CPNE4: variants seen among roughly 807,000 people sequenced by gnomAD.
CPNE4 encodes copine 4.
In CPNE4, 25 loss-of-function variants were observed where a neutral mutation model predicts 67.9. That is an observed-to-expected ratio of 0.37 (90% CI 0.27 to 0.51). The LOEUF (loss-of-function observed/expected upper bound fraction) is 0.51. Among genes scored for constraint, CPNE4 ranks in the 20% least tolerant of loss-of-function variants. The probability of loss-of-function intolerance (pLI) is 0.93; values close to 1 mark genes in which losing one functional copy is unlikely to be tolerated. For missense variants in CPNE4, 464 were observed against 690.8 expected (o/e 0.67, Z 3.68); for synonymous variants, 242 against 244.9 (o/e 0.99, Z 0.11).
chr3:131,739,123 G>C (rs2082304374), intron 2 of CPNE4, among the ~76,000 whole-genome samples: 1 of 152,172 alleles, frequency 6.6e-6, no homozygotes, highest in Non-Finnish European at 1.5e-5. Flanking sequence ...TGCTGACCCT[G>C]GAGGGATCAG....
At chr3:131,609,454 A>G (rs1342133759) in intron 7 of CPNE4, among the ~76,000 whole-genome samples, 2 of 152,082 alleles carry the variant, frequency 1.3e-5, no homozygotes. Flanking sequence ...CTCTTTTCCT[A>G]TCCACCAGCT....
intron 2 of CPNE4, among the ~76,000 whole-genome samples, chr3:131,818,071 C>G (rs1234653596): frequency 6.6e-6 from 1 of 152,132 alleles, no homozygotes; most frequent in Non-Finnish European, 1.5e-5. Context: ...CACCCTAAAT[C>G]CGGTTTTTTA....
Position 131,910,266 on chromosome 3 carries a change from C to T in CPNE4, c.-1-4822G>A, listed in dbSNP as rs570442720. On this transcript the variant is annotated intron_variant, in intron 1 of 15. Transcript: ENST00000429747. ...GAGAAAGAGAACAGCATATTTCTTC[C>T]GAACTCCTACCCTGATCTTTAGCAG... is the stretch of plus-strand genomic sequence containing the variant. 5.9e-5 allele frequency among the ~76,000 whole-genome samples: 9 copies of T among 152,190 alleles called. No homozygotes were observed. In the East Asian group the frequency reaches 1.5e-3, roughly 26 times the overall value.
At chr3:131,606,698 AC>A (rs1205959831) in intron 7 of CPNE4, among the ~76,000 whole-genome samples, 3 of 152,122 alleles carry the variant, frequency 2.0e-5, no homozygotes, top group Non-Finnish European at 4.4e-5. Flanking sequence ...CCACTGGGCA[AC>A]CATCATATCT....
intron 6 of CPNE4, among the ~76,000 whole-genome samples, chr3:131,685,241 T>TA (rs2080861811): frequency 6.6e-6 from 1 of 152,110 alleles, no homozygotes; most frequent in Non-Finnish European, 1.5e-5. Flanking sequence ...TGCATGTAAA[T>TA]AACAGTCTAA....
intron 2 of CPNE4, among the ~76,000 whole-genome samples, chr3:131,863,709 A>G (rs1002336131): frequency 3.9e-5 from 6 of 152,106 alleles, no homozygotes; most frequent in African/African-American, 1.4e-4. Context: ...CTTTAGTTTA[A>G]TTAGATCCCA....
At chr3:131,902,075 TTTA>T (rs67648379) in intron 2 of CPNE4, among the ~76,000 whole-genome samples, 97,014 of 150,842 alleles carry the variant, frequency 0.64, 31,285 homozygotes, top group Admixed American at 0.73. Context: ...GCACTTTGGT[TTTA>T]TTATTATTAT....
At chr3:131,631,068 C>A (rs2107777482) in intron 7 of CPNE4, among the ~76,000 whole-genome samples, 1 of 152,266 alleles carries the variant, frequency 6.6e-6, no homozygotes, top group African/African-American at 2.4e-5. Flanking sequence ...ACCTCCCAGG[C>A]CTTTACTTCT....
At chr3:131,791,590 T>C (rs1484559096) in intron 2 of CPNE4, among the ~76,000 whole-genome samples, 1 of 152,208 alleles carries the variant, frequency 6.6e-6, no homozygotes, top group Admixed American at 6.5e-5. Context: ...AAGCTTACTT[T>C]ATTTGAAAAA....
chr3:132,032,275 T>G lies in CPNE4; in HGVS notation c.-2+2292A>C, dbSNP rs371071680. On this transcript the variant is annotated intron_variant, in intron 1 of 15. Transcript: ENST00000429747. ...ATCTGTGCCTTCTCCCAGTCAAATA[T>G]GCTGGGCCTGTGTCTGGGAGAATAA... 6.6e-5 allele frequency among the ~76,000 whole-genome samples: 10 copies of G among 152,162 alleles called. No homozygotes were observed. The East Asian group carries it at 1.4e-3, about 21-fold the overall frequency.
At chr3:131,875,156 C>T (rs6787755) in intron 2 of CPNE4, among the ~76,000 whole-genome samples, 53,782 of 151,934 alleles carry the variant, frequency 0.35, 10,688 homozygotes, top group African/African-American at 0.53. Flanking sequence ...ACTCTGAAAT[C>T]CATGAGTTTT....
intron 1 of CPNE4, among the ~76,000 whole-genome samples, chr3:131,927,591 G>T (rs924813496): frequency 1.3e-5 from 2 of 152,146 alleles, no homozygotes; most frequent in African/African-American, 4.8e-5. Flanking sequence ...CAAGTTCAGT[G>T]CTTGGCTCAA....
At chr3:131,742,490 C>T (rs2082382014) in intron 2 of CPNE4, among the ~76,000 whole-genome samples, 1 of 152,038 alleles carries the variant, frequency 6.6e-6, no homozygotes, top group African/African-American at 2.4e-5. Flanking sequence ...TCTTTTTGTG[C>T]ATGTATGTGT....
intron 2 of CPNE4, among the ~76,000 whole-genome samples, chr3:131,890,543 TC>T (rs2107739826): frequency 6.6e-6 from 1 of 152,042 alleles, no homozygotes; most frequent in African/African-American, 2.4e-5. Flanking sequence ...TGGCGGTTCC[TC>T]AAAAAATTAA....
chr3:131,638,283 T>C (rs2079447417), intron 7 of CPNE4, among the ~76,000 whole-genome samples: 1 of 152,186 alleles, frequency 6.6e-6, no homozygotes, highest in Non-Finnish European at 1.5e-5. Context: ...AAGTTTCTGC[T>C]GTCTTCAGGA....
chr3:131,831,826 T>C (rs1274448870), intron 2 of CPNE4, among the ~76,000 whole-genome samples: 2 of 152,212 alleles, frequency 1.3e-5, no homozygotes, highest in Non-Finnish European at 2.9e-5. Context: ...CCTCACTTAC[T>C]GACTCTGCAG....
Position 132,005,766 on chromosome 3 carries a change from T to C in CPNE4, c.-2+28801A>G, listed in dbSNP as rs184313853. 8.6e-5 allele frequency among the ~76,000 whole-genome samples: 13 copies of C among 151,940 alleles called. No homozygotes were observed. The East Asian group carries it at 2.5e-3, about 29-fold the overall frequency. On this transcript the variant is annotated intron_variant, in intron 1 of 15. Coordinates refer to ENST00000429747, the MANE Select transcript of CPNE4 (RefSeq NM_130808.3). ...AAAGACAGCCCTCCATATATGCAGG[T>C]TTTGCATCCTGCATTTAATTGAAAA... is the stretch of plus-strand genomic sequence containing the variant.
At chr3:131,549,207 C>A (rs2107641160) in intron 14 of CPNE4, among the ~76,000 whole-genome samples, 1 of 152,126 alleles carries the variant, frequency 6.6e-6, no homozygotes, top group Non-Finnish European at 1.5e-5. Context: ...GAAGACAGTG[C>A]AAGAAGGTTA....
chr3:131,863,283 C>A (rs1468235780), intron 2 of CPNE4, among the ~76,000 whole-genome samples: 6 of 152,156 alleles, frequency 3.9e-5, no homozygotes, highest in African/African-American at 1.4e-4. Context: ...GGAATCGCCA[C>A]ACTGACTTCC....
Sources: allele counts gnomAD v4.1 joint callset (sites outside exome capture counted in the v4.1 genomes callset), GRCh38; gene constraint gnomAD v4.1.1; transcripts MANE v1.5; gene names NCBI Gene and HGNC (gene_info 2026-07-23, HGNC 2026-07-21).